CSMD1: variants seen among roughly 807,000 people sequenced by gnomAD.
CSMD1 encodes CUB and sushi domain-containing protein 1.
Under a neutral mutation model 417.5 loss-of-function variants are expected in CSMD1, and 213 were observed. The ratio of observed to expected loss-of-function variants is 0.51; its 90% CI spans 0.46 to 0.57. The LOEUF (loss-of-function observed/expected upper bound fraction) is 0.57. CSMD1 is among the 20% of genes least tolerant of loss of function. The probability of loss-of-function intolerance (pLI) is 0.00; values close to 1 mark genes in which losing one functional copy is unlikely to be tolerated. For missense variants in CSMD1, 6,923 were observed against 4,529.7 expected, an observed-to-expected ratio of 1.53 and a Z score of -15.17; for synonymous variants, 2,862 against 1,736.8, an observed-to-expected ratio of 1.65 and a Z score of -16.11.
intron 1 of CSMD1, among the ~76,000 whole-genome samples, chr8:4,774,583 G>T (rs10105707): frequency 0.068 from 10,284 of 152,148 alleles, 388 homozygotes; most frequent in Middle Eastern, 0.11. Context: ...AATACCAAAA[G>T]TAAGTTTGGG....
chr8:4,516,140 G>C (rs1803108615), intron 2 of CSMD1, among the ~76,000 whole-genome samples: 1 of 152,004 alleles, frequency 6.6e-6, no homozygotes, highest in Non-Finnish European at 1.5e-5. Flanking sequence ...ATTAAAAGAG[G>C]TCATGCAGGG....
chr8:3,191,109 C>T (rs1333188174), intron 33 of CSMD1, among the ~76,000 whole-genome samples: 1 of 152,184 alleles, frequency 6.6e-6, no homozygotes, highest in Non-Finnish European at 1.5e-5. Flanking sequence ...GCTCCACGTG[C>T]CATCATGTTG....
At chr8:4,366,484 G>C (rs890089626) in intron 3 of CSMD1, among the ~76,000 whole-genome samples, 9 of 152,220 alleles carry the variant, frequency 5.9e-5, no homozygotes, top group Non-Finnish European at 7.4e-5. Context: ...CCTGTTTTAA[G>C]TTCTTCGATA....
chr8:3,532,672 TA>T (rs980392786), intron 10 of CSMD1, among the ~76,000 whole-genome samples: 4 of 152,180 alleles, frequency 2.6e-5, no homozygotes, highest in African/African-American at 9.7e-5. Context: ...ATTATAATTA[TA>T]AAAAATAATA....
intron 3 of CSMD1, among the ~76,000 whole-genome samples, chr8:4,359,680 C>G (rs1801639310): frequency 6.6e-6 from 1 of 152,148 alleles, no homozygotes; most frequent in African/African-American, 2.4e-5. Context: ...GGTATGAATC[C>G]TCAGCCCTCT....
intron 10 of CSMD1, among the ~76,000 whole-genome samples, chr8:3,570,007 C>A (rs1398012906): frequency 6.6e-6 from 1 of 152,120 alleles, no homozygotes; most frequent in African/African-American, 2.4e-5. Flanking sequence ...TATACAATGT[C>A]TGCATAAGTG....
At chr8:3,353,936 C>T (rs193232242) in intron 21 of CSMD1, among the ~76,000 whole-genome samples, 7 of 152,216 alleles carry the variant, frequency 4.6e-5, no homozygotes, top group Non-Finnish European at 1.0e-4. Context: ...ACAAAGGAAT[C>T]TACCTGTGAA....
At chr8:4,299,872 G>C (rs770533136) in intron 3 of CSMD1, among the ~76,000 whole-genome samples, 8 of 152,010 alleles carry the variant, frequency 5.3e-5, no homozygotes, top group African/African-American at 1.7e-4. Context: ...TTCATGATCT[G>C]CCCACCTCAG....
intron 4 of CSMD1, among the ~76,000 whole-genome samples, chr8:4,026,033 A>T (rs954766037): frequency 6.6e-6 from 1 of 151,940 alleles, no homozygotes; most frequent in African/African-American, 2.4e-5. Context: ...AAACTCTTCA[A>T]CCAGTTCCTG....
chr8:3,947,349 T>C (rs150145460), intron 5 of CSMD1, among the ~76,000 whole-genome samples: 1 of 152,232 alleles, frequency 6.6e-6, no homozygotes, highest in Non-Finnish European at 1.5e-5. Context: ...TCAAGAATGT[T>C]AAACCAATCT....
chr8:3,052,573 C>T lies in CSMD1; in HGVS notation c.7549G>A (p.Val2517Met). Residue 2517 changes from valine (V) to methionine (M), a missense_variant, in exon 50 of 70, where the codon GTG (valine) becomes ATG (methionine). Physicochemically the swap from Val to Met is conservative, Grantham distance 21. Coordinates refer to ENST00000635120, the MANE Select transcript of CSMD1 (RefSeq NM_033225.6). ...AAGCCCTCATGACATTCATAGACCACTTTACTGTCCAAAGTGAACTCGTTC... is the reference window on the plus strand; with the variant it reads ...AAGCCCTCATGACATTCATAGACCATTTTACTGTCCAAAGTGAACTCGTTC... ...TGNEFTLDSKVVYECHEGFKL... is the reference protein window; with the variant it reads ...TGNEFTLDSKMVYECHEGFKL... 6.2e-7 allele frequency: 1 copy of T among 1,611,246 alleles called. No individual in the cohort carries two copies.
rs539251967 is a variant in CSMD1 at position 3,570,628 on chromosome 8, G to A, written c.1344+4317C>T. Reference sequence around the variant, plus strand: ...TCACGGAGCTACTGAATACAACCTGGAAGCTCCCTGACTCTGCCCCTTTGT... The same window carrying A: ...TCACGGAGCTACTGAATACAACCTGAAAGCTCCCTGACTCTGCCCCTTTGT... On this transcript the variant is annotated intron_variant, in intron 10 of 69. Coordinates refer to ENST00000635120, the MANE Select transcript of CSMD1 (RefSeq NM_033225.6). Among the ~76,000 whole-genome samples, 13 of 152,252 alleles carry A rather than the reference G, an allele frequency of 8.5e-5. No homozygotes were observed. The South Asian group carries it at 2.7e-3, about 32-fold the overall frequency.
intron 5 of CSMD1, among the ~76,000 whole-genome samples, chr8:3,774,838 C>G (rs980736128): frequency 2.0e-4 from 30 of 152,102 alleles, no homozygotes; most frequent in Admixed American, 2.0e-3. Context: ...GGATACATTC[C>G]AAGACTACCA....
At chr8:3,522,162 C>T (rs914790292) in intron 10 of CSMD1, among the ~76,000 whole-genome samples, 5 of 152,060 alleles carry the variant, frequency 3.3e-5, no homozygotes, top group African/African-American at 4.8e-5. Context: ...TCAAATTATT[C>T]GAAGTGTTCA....
At chr8:3,541,245 T>C (rs763801267) in intron 10 of CSMD1, among the ~76,000 whole-genome samples, 6 of 152,120 alleles carry the variant, frequency 3.9e-5, no homozygotes, top group Non-Finnish European at 8.8e-5. Flanking sequence ...TGGATGAAAC[T>C]GGAAGCCATT....
At chr8:4,840,693 G>A (rs1409491105) in intron 1 of CSMD1, among the ~76,000 whole-genome samples, 2 of 152,174 alleles carry the variant, frequency 1.3e-5, no homozygotes, top group Non-Finnish European at 2.9e-5. Flanking sequence ...CTCAGTGCCT[G>A]CAAGAGACAA....
chr8:4,526,363 A>C (rs987354839), intron 2 of CSMD1, among the ~76,000 whole-genome samples: 2 of 152,240 alleles, frequency 1.3e-5, no homozygotes, highest in Admixed American at 6.5e-5. Flanking sequence ...CTGACCATGA[A>C]GATCGTGGTC....
chr8:3,910,425 C>G lies in CSMD1; in HGVS notation c.818+87478G>C, dbSNP rs975762920. On this transcript the variant is annotated intron_variant, in intron 5 of 69. Transcript: ENST00000635120. Reference sequence around the variant, plus strand: ...CCTGTCTGCCGTCAAGACGCTTAATCCCTTCATAAAATCACGAAATTTAAG... The same window carrying G: ...CCTGTCTGCCGTCAAGACGCTTAATGCCTTCATAAAATCACGAAATTTAAG... 2.0e-5 allele frequency among the ~76,000 whole-genome samples: 3 copies of G among 152,150 alleles called. No homozygotes were observed. In the East Asian group the frequency reaches 5.8e-4, roughly 29 times the overall value.
intron 3 of CSMD1, among the ~76,000 whole-genome samples, chr8:4,123,274 G>C (rs1354695007): frequency 1.3e-5 from 2 of 152,170 alleles, no homozygotes; most frequent in Admixed American, 6.5e-5. Flanking sequence ...GTAGCTTTTA[G>C]AATATATTAG....
Sources: gnomAD v4.1 joint callset for allele counts (sites outside exome capture counted in the v4.1 genomes callset) on GRCh38, gnomAD v4.1.1 for gene constraint, MANE v1.5 for transcripts, NCBI Gene and HGNC (gene_info 2026-07-23, HGNC 2026-07-21) for gene names.